GRID2: variants seen among roughly 807,000 people sequenced by gnomAD.
The protein encoded by GRID2 is glutamate receptor ionotropic, delta-2.
In GRID2, 33 loss-of-function variants were observed where a neutral mutation model predicts 114.8. The observed-to-expected ratio is 0.29, with a 90% CI of 0.22 to 0.38. The LOEUF is 0.38. Ranked by LOEUF, GRID2 falls within the 10% of genes least tolerant of loss-of-function variation. The pLI is 1.00. For synonymous variants in GRID2, 505 were observed against 449.9 expected (o/e 1.12, Z -1.55); for missense variants, 1,184 against 1,257.7 (o/e 0.94, Z 0.89).
intron 2 of GRID2, among the ~76,000 whole-genome samples, chr4:92,701,725 T>C (rs1734684444): frequency 1.3e-5 from 2 of 152,164 alleles, no homozygotes; most frequent in Admixed American, 1.3e-4. Flanking sequence ...GCCTCAATTA[T>C]ATAGCACTAT....
intron 8 of GRID2, among the ~76,000 whole-genome samples, chr4:93,332,297 T>TGAGAGAGAGAGAGAGAGAGAGAGA (rs1255976950): frequency 1.5e-5 from 2 of 133,002 alleles, no homozygotes; most frequent in African/African-American, 6.4e-5. Flanking sequence ...TGTGTGTGTG[T>TGAGAGAGAGAGAGAGAGAGAGAGA]GTGAGAGAGA....
At chr4:93,546,811 T>A (rs992582836) in intron 13 of GRID2, among the ~76,000 whole-genome samples, 1 of 152,192 alleles carries the variant, frequency 6.6e-6, no homozygotes, top group Non-Finnish European at 1.5e-5. Context: ...TTTTTTTTTA[T>A]ATTCTTTAAA....
At chr4:93,191,306 T>A (rs979720557) in intron 4 of GRID2, among the ~76,000 whole-genome samples, 1 of 152,106 alleles carries the variant, frequency 6.6e-6, no homozygotes, top group African/African-American at 2.4e-5. Context: ...GTTGCTTTCC[T>A]GCTTCTTACT....
intron 9 of GRID2, among the ~76,000 whole-genome samples, chr4:93,401,939 T>C (rs1038927522): frequency 6.8e-6 from 1 of 147,628 alleles, no homozygotes; most frequent in Admixed American, 6.8e-5. Context: ...TTTTTTTTTT[T>C]ATGGAGATTG....
intron 2 of GRID2, among the ~76,000 whole-genome samples, chr4:93,029,690 A>G (rs1251646510): frequency 2.0e-5 from 3 of 152,068 alleles, no homozygotes; most frequent in African/African-American, 7.2e-5. Context: ...AACAAAATAT[A>G]CAATAGCATC....
At chr4:93,802,716 T>C (rs1161441824) in intron 1 of GRID2, among the ~76,000 whole-genome samples, 1 of 152,170 alleles carries the variant, frequency 6.6e-6, no homozygotes, top group Non-Finnish European at 1.5e-5. Flanking sequence ...ATGTTTTATA[T>C]TTCAGGGCAA....
chr4:92,619,347 A>G (rs1018714832), intron 2 of GRID2, among the ~76,000 whole-genome samples: 7 of 151,696 alleles, frequency 4.6e-5, no homozygotes, highest in Non-Finnish European at 8.9e-5. Flanking sequence ...CATATGCATA[A>G]CTTTGCTAAT....
intron 2 of GRID2, among the ~76,000 whole-genome samples, chr4:92,846,216 A>G (rs948422979): frequency 6.6e-6 from 1 of 152,044 alleles, no homozygotes; most frequent in Non-Finnish European, 1.5e-5. Context: ...GGTTTGTTAC[A>G]TGGTATATCG....
rs546581562 is a variant in GRID2, at chr4:93,120,787, A to C, written c.735+9834A>C. 8.0e-4 allele frequency among the ~76,000 whole-genome samples: 122 copies of C among 152,150 alleles called. 1 individual carries two copies. The highest frequency in any genetic ancestry group is 7.9e-3 in the Admixed American group (121 of 15,274). On this transcript the variant is annotated intron_variant, in intron 4 of 15. Coordinates refer to ENST00000282020, the MANE Select transcript of GRID2 (RefSeq NM_001510.4). ...GCTAACATGGTGAAACCCCATCTCT[A>C]CTAAAAACACAAAAAATTAGCCGGG...
At chr4:93,694,186 C>T (rs2110121746) in intron 14 of GRID2, among the ~76,000 whole-genome samples, 1 of 152,198 alleles carries the variant, frequency 6.6e-6, no homozygotes, top group African/African-American at 2.4e-5. Flanking sequence ...CATTGTCCTC[C>T]GTCTCAATTG....
At chr4:92,587,098 C>CTGTGTGTGTGTGTGTGTGTGTGTGTG in intron 1 of GRID2, among the ~76,000 whole-genome samples, 1 of 133,764 alleles carries the variant, frequency 7.5e-6, no homozygotes, top group African/African-American at 2.7e-5. Context: ...TGATGAAATG[C>CTGTGTGTGTGTGTGTGTGTGTGTGTG]TGTGTGTGTG....
At position 93,774,316 on chromosome 4, in the gene GRID2, C is replaced by A. The variant is rs980146036; in HGVS notation, c.*1818C>A. On this transcript the variant is annotated 3_prime_UTR_variant, in exon 16 of 16. Coordinates refer to ENST00000282020, the MANE Select transcript of GRID2 (RefSeq NM_001510.4). The stretch of plus-strand genomic sequence containing the variant: ...CTTGTAACATTCATGATCTCATTTA[C>A]AACTCTGATTTTAAAACAAAAAAAT... 1 of 152,008 alleles carries A rather than the reference C, an allele frequency of 6.6e-6. No homozygotes were observed. Among genetic ancestry groups the A allele is most frequent in the African/African-American group, 2.4e-5 (1 of 41,394 alleles). 9.4% of individuals were successfully genotyped at this position (152,008 alleles called of 1,614,324 possible).
At chr4:92,454,517 C>T (rs1028713976) in intron 1 of GRID2, among the ~76,000 whole-genome samples, 4 of 152,100 alleles carry the variant, frequency 2.6e-5, no homozygotes, top group Admixed American at 1.3e-4. Flanking sequence ...TATACAAACA[C>T]AGTGGTTGCT....
chr4:93,083,233 T>C (rs1730032824), intron 2 of GRID2, among the ~76,000 whole-genome samples: 1 of 152,122 alleles, frequency 6.6e-6, no homozygotes, highest in Admixed American at 6.6e-5. Flanking sequence ...TCATTAATGG[T>C]CATATATACC....
chr4:93,167,020 A>AGTTGT (rs1309845647), intron 4 of GRID2, among the ~76,000 whole-genome samples: 1 of 152,118 alleles, frequency 6.6e-6, no homozygotes, highest in Non-Finnish European at 1.5e-5. Context: ...AATGGGAGCA[A>AGTTGT]GTTGTGTGCA....
At chr4:92,318,507 CTTTTTTT>C (rs34235006) in intron 1 of GRID2, among the ~76,000 whole-genome samples, 3 of 64,394 alleles carry the variant, frequency 4.7e-5, no homozygotes, top group South Asian at 5.9e-4. Flanking sequence ...TATGCCAGGA[CTTTTTTT>C]TTTTTTTTTT....
At chr4:93,707,040 C>T (rs1207820881) in intron 14 of GRID2, among the ~76,000 whole-genome samples, 3 of 152,062 alleles carry the variant, frequency 2.0e-5, no homozygotes, top group Non-Finnish European at 2.9e-5. Flanking sequence ...ATCCTTGCAT[C>T]GCCGGAATAT....
rs10706922 is a variant in GRID2 at position 93,075,883 on chromosome 4, C to CTTTTTT, written c.245-9079_245-9074dup. Among the ~76,000 whole-genome samples, 86 of 76,592 alleles carry CTTTTTT rather than the reference C, an allele frequency of 1.1e-3. 16 individuals carry two copies. Among genetic ancestry groups the CTTTTTT allele is most frequent in the African/African-American group, 2.2e-3 (41 of 18,770 alleles). 50.2% of individuals were successfully genotyped at this position (76,592 alleles called of 152,430 possible). The stretch of plus-strand genomic sequence containing the variant: ...GTATTGGGATGTCGAAGTTACCTCT[C>CTTTTTT]TTTTTTTTTTTTTTTTTTTTTTTTT... On this transcript the variant is annotated intron_variant, in intron 2 of 15. Coordinates refer to ENST00000282020, the MANE Select transcript of GRID2 (RefSeq NM_001510.4).
At chr4:93,765,385 C>T (rs1560987084) in intron 14 of GRID2, among the ~76,000 whole-genome samples, 1 of 151,984 alleles carries the variant, frequency 6.6e-6, no homozygotes. Context: ...ATGAAATCTC[C>T]CTGCAATGCC....
Sources: gnomAD v4.1 joint callset for allele counts (sites outside exome capture counted in the v4.1 genomes callset) on GRCh38, gnomAD v4.1.1 for gene constraint, MANE v1.5 for transcripts, NCBI Gene and HGNC (gene_info 2026-07-23, HGNC 2026-07-21) for gene names.